Variants in OLFM3 observed in about 807,000 individuals in gnomAD.
OLFM3 encodes noelin-3.
A neutral mutation model predicts 48.6 loss-of-function variants in OLFM3; 20 were observed. That is an observed-to-expected ratio of 0.41 (90% CI 0.29 to 0.60). The LOEUF is 0.60. Ranked by LOEUF, OLFM3 falls within the 20% of genes least tolerant of loss-of-function variation. OLFM3 has a pLI of 0.28. For synonymous variants in OLFM3, 222 were observed against 198.1 expected, an observed-to-expected ratio of 1.12 and a Z score of -1.01; for missense variants, 437 against 544.3, an observed-to-expected ratio of 0.80 and a Z score of 1.96.
chr1:101,804,899 C>T lies in OLFM3; in HGVS notation c.716G>A (p.Ser239Asn). The change falls in exon 6 of 6, where the codon AGT becomes AAT. Residue 239 changes from serine to asparagine, a missense_variant. This residue lies in a region of OLFM3 where 314 missense variants were observed against 365.5 expected (regional missense o/e 0.86). Transcript: ENST00000370103. The surrounding 1 kb of genome is among the most constrained non-coding windows in gnomAD (Gnocchi z 4.5). ...ACGAACAATTTTATTGTTAGTATAACTGTCCATGTACCAGACCTGAGAAGA... is the reference window on the plus strand; with the variant it reads ...ACGAACAATTTTATTGTTAGTATAATTGTCCATGTACCAGACCTGAGAAGA... ...EKNNRVWYMD[S>N]YTNNKIVREY... The T allele has an allele frequency of 6.2e-7, 1 of 1,610,356 alleles. No individual in the cohort carries two copies. Among genetic ancestry groups the T allele is most frequent in the Non-Finnish European group, 8.5e-7 (1 of 1,178,290 alleles).
At chr1:101,806,674 C>T (rs561659280) in intron 4 of OLFM3, among the ~76,000 whole-genome samples, 1 of 151,710 alleles carries the variant, frequency 6.6e-6, no homozygotes, top group South Asian at 2.1e-4. Context: ...AGAAAGATAA[C>T]TTTACAGTCT....
chr1:101,886,357 T>G (rs566957800), intron 1 of OLFM3, among the ~76,000 whole-genome samples: 1 of 152,228 alleles, frequency 6.6e-6, no homozygotes, highest in South Asian at 2.1e-4. Context: ...GCACAACTTT[T>G]GCTCAGACAT....
chr1:101,892,029 T>C (rs534751012), intron 1 of OLFM3, among the ~76,000 whole-genome samples: 1 of 152,062 alleles, frequency 6.6e-6, no homozygotes, highest in South Asian at 2.1e-4. Flanking sequence ...AATTTTTTAA[T>C]GTGTAAACTT....
At chr1:101,976,601 A>G (rs912115665) in intron 1 of OLFM3, among the ~76,000 whole-genome samples, 1 of 152,174 alleles carries the variant, frequency 6.6e-6, no homozygotes, top group African/African-American at 2.4e-5. Flanking sequence ...CAATAATCTT[A>G]TAAGTCCGGC....
rs191437906 is a variant in OLFM3 at position 101,929,261 on chromosome 1, T to A, written c.69+67487A>T. 2.6e-3 allele frequency among the ~76,000 whole-genome samples: 398 copies of A among 152,242 alleles called. 2 individuals carry two copies. The highest frequency in any genetic ancestry group is 9.2e-3 in the African/African-American group (382 of 41,558). The stretch of plus-strand genomic sequence containing the variant: ...CTTTGCTACATTTGGATGAGTAAAA[T>A]CAGGAAGCATTAGAATACTGCTAAG... On this transcript the variant is annotated intron_variant, in intron 1 of 5. Coordinates refer to ENST00000370103, the MANE Select transcript of OLFM3 (RefSeq NM_058170.4).
At chr1:101,979,008 G>A (rs1401328989) in intron 1 of OLFM3, among the ~76,000 whole-genome samples, 1 of 152,048 alleles carries the variant, frequency 6.6e-6, no homozygotes, top group Non-Finnish European at 1.5e-5. Flanking sequence ...TTCCATTAAC[G>A]TAGTATATTG....
chr1:101,865,479 T>C (rs1038786321), intron 1 of OLFM3, among the ~76,000 whole-genome samples: 1 of 152,202 alleles, frequency 6.6e-6, no homozygotes, highest in Admixed American at 6.5e-5. Flanking sequence ...TATAATGTTT[T>C]TAAATGCTGT....
At chr1:101,845,943 C>G (rs1281258397) in intron 1 of OLFM3, among the ~76,000 whole-genome samples, 1 of 152,186 alleles carries the variant, frequency 6.6e-6, no homozygotes, top group East Asian at 1.9e-4. Context: ...CTGACTTTTT[C>G]TGATCCACTG....
intron 1 of OLFM3, among the ~76,000 whole-genome samples, chr1:101,856,405 A>C (rs1263387373): frequency 6.6e-6 from 1 of 151,984 alleles, no homozygotes; most frequent in Non-Finnish European, 1.5e-5. Flanking sequence ...GCAATTAAAC[A>C]CTTTTAACCT....
intron 1 of OLFM3, among the ~76,000 whole-genome samples, chr1:101,856,925 C>T (rs1177092002): frequency 6.6e-6 from 1 of 151,904 alleles, no homozygotes; most frequent in Non-Finnish European, 1.5e-5. Context: ...GGAATTAGTA[C>T]CACATAGTGT....
chr1:101,940,727 T>C (rs1391895294), intron 1 of OLFM3, among the ~76,000 whole-genome samples: 1 of 150,260 alleles, frequency 6.7e-6, no homozygotes, highest in African/African-American at 2.4e-5. Flanking sequence ...TTTGTATATA[T>C]AGCTTTGTAT....
intron 1 of OLFM3, among the ~76,000 whole-genome samples, chr1:101,943,380 T>A (rs1187434290): frequency 6.6e-6 from 1 of 152,244 alleles, no homozygotes; most frequent in African/African-American, 2.4e-5. Flanking sequence ...CCCCACAATT[T>A]TGTAAGACAG....
chr1:101,830,257 G>T (rs2100910373), intron 3 of OLFM3, among the ~76,000 whole-genome samples: 1 of 152,062 alleles, frequency 6.6e-6, no homozygotes, highest in South Asian at 2.1e-4. Flanking sequence ...TTAAAATCTA[G>T]AAAAATACTT....
chr1:101,938,382 C>T (rs777214557), intron 1 of OLFM3, among the ~76,000 whole-genome samples: 6 of 152,184 alleles, frequency 3.9e-5, no homozygotes, highest in Non-Finnish European at 7.3e-5. Flanking sequence ...TTGGGGGATA[C>T]TCCAAGTTTT....
chr1:101,825,256 C>A lies in OLFM3; in HGVS notation c.373-11G>T. 1 of 1,608,228 alleles carries A rather than the reference C, an allele frequency of 6.2e-7. No homozygotes were observed. The highest frequency in any genetic ancestry group is 8.5e-7 in the Non-Finnish European group (1 of 1,175,462). On this transcript the variant is annotated splice_polypyrimidine_tract_variant and intron_variant, in intron 3 of 5. Coordinates refer to ENST00000370103, the MANE Select transcript of OLFM3 (RefSeq NM_058170.4). ...TTTCTCTTTCAACTCCTGTGAAAAG[C>A]AGCCTATTGTTCCTGAGAGTCATTT... is the stretch of plus-strand genomic sequence containing the variant.
chr1:101,974,257 C>T (rs1537952), intron 1 of OLFM3, among the ~76,000 whole-genome samples: 37,706 of 151,832 alleles, frequency 0.25, 5,239 homozygotes, highest in Middle Eastern at 0.36. Flanking sequence ...TTTACACATT[C>T]GTGTCTGTGG....
At chr1:101,928,997 A>T (rs1659363783) in intron 1 of OLFM3, among the ~76,000 whole-genome samples, 1 of 152,122 alleles carries the variant, frequency 6.6e-6, no homozygotes, top group South Asian at 2.1e-4. Context: ...CTATGTAAAG[A>T]GCATGCATAG....
At chr1:101,899,914 C>T (rs1038521931) in intron 1 of OLFM3, among the ~76,000 whole-genome samples, 1 of 151,998 alleles carries the variant, frequency 6.6e-6, no homozygotes, top group Non-Finnish European at 1.5e-5. Flanking sequence ...ATGTTAGCTT[C>T]TTGTAATGTT....
At chr1:101,819,586 C>T (rs539249663) in intron 4 of OLFM3, among the ~76,000 whole-genome samples, 25 of 151,946 alleles carry the variant, frequency 1.6e-4, no homozygotes, top group African/African-American at 5.1e-4. Flanking sequence ...AAAGATGTGG[C>T]GATTGCATGG....
Sources: gnomAD v4.1 joint callset for allele counts (sites outside exome capture counted in the v4.1 genomes callset) on GRCh38, gnomAD v4.1.1 for gene constraint, gnomAD v4.1.1 regional missense constraint, Gnocchi (gnomAD v3.1) non-coding constraint, MANE v1.5 for transcripts, NCBI Gene and HGNC (gene_info 2026-07-23, HGNC 2026-07-21) for gene names.